Variants in RYR2 observed in about 807,000 individuals in gnomAD.
The protein encoded by RYR2 is ryanodine receptor 2.
In RYR2, 227 loss-of-function variants were observed where a neutral mutation model predicts 601.1. That is an observed-to-expected ratio of 0.38 (90% CI 0.34 to 0.42). RYR2 has a LOEUF of 0.42. RYR2 is among the 10% of genes least tolerant of loss of function. RYR2 has a pLI of 1.00. For missense variants in RYR2, 4,646 were observed against 6,156.5 expected, an observed-to-expected ratio of 0.75 and a Z score of 8.21; for synonymous variants, 2,223 against 2,175.1, an observed-to-expected ratio of 1.02 and a Z score of -0.61.
intron 80 of RYR2, among the ~76,000 whole-genome samples, chr1:237,745,350 T>C (rs1158087807): frequency 6.6e-6 from 1 of 152,186 alleles, no homozygotes; most frequent in Non-Finnish European, 1.5e-5. Flanking sequence ...TTATTTCATA[T>C]AAAATTTATG....
At chr1:237,569,434 C>A in intron 29 of RYR2, 115 bp downstream of exon 29, 1 of 943,950 alleles carries the variant, frequency 1.1e-6, no homozygotes, top group Non-Finnish European at 1.6e-6. Context: ...TGAGTTGCAG[C>A]TGTAAATCGT....
rs546250449 is a variant in RYR2 at position 237,246,385 on chromosome 1, C to T, written c.49-24112C>T. ...TGCTGAGATTACAGGCGTGAGCCAC[C>T]GTGCCTGGACTGTTTTCTTTCTTTT... On this transcript the variant is annotated intron_variant, in intron 1 of 104. Coordinates refer to ENST00000366574, the MANE Select transcript of RYR2 (RefSeq NM_001035.3). Among the ~76,000 whole-genome samples the T allele has an allele frequency of 1.1e-4, 17 of 152,268 alleles. No individual in the cohort carries two copies. The East Asian group carries it at 2.3e-3, about 21-fold the overall frequency.
intron 8 of RYR2, among the ~76,000 whole-genome samples, chr1:237,381,468 C>T (rs906458121): frequency 1.3e-5 from 2 of 152,214 alleles, no homozygotes; most frequent in African/African-American, 4.8e-5. Flanking sequence ...TTAGTTAAAA[C>T]TAACTTCTAA....
intron 1 of RYR2, among the ~76,000 whole-genome samples, chr1:237,261,157 T>C (rs1240938548): frequency 1.3e-5 from 2 of 152,246 alleles, no homozygotes. Context: ...TGGAACTTGA[T>C]AAATGCAACG....
chr1:237,528,083 G>T (rs567002304), intron 24 of RYR2, among the ~76,000 whole-genome samples: 1 of 152,118 alleles, frequency 6.6e-6, no homozygotes, highest in African/African-American at 2.4e-5. Flanking sequence ...TTTAATAATG[G>T]CCCCAATGCA....
intron 29 of RYR2, among the ~76,000 whole-genome samples, chr1:237,589,183 AT>A (rs1404718658): frequency 5.3e-5 from 8 of 152,300 alleles, no homozygotes; most frequent in African/African-American, 9.6e-5. Context: ...TTAAACATGT[AT>A]TTTTCCCCCA....
intron 38 of RYR2, among the ~76,000 whole-genome samples, chr1:237,623,383 C>CTTTCTTTCTTTCTTTCT (rs1559129603): frequency 1.8e-5 from 2 of 108,846 alleles, no homozygotes; most frequent in Admixed American, 9.1e-5. Flanking sequence ...TTCTTTCTTT[C>CTTTCTTTCTTTCTTTCT]TTTTTTTTTT....
chr1:237,267,371 T>C (rs1318555737), intron 1 of RYR2, among the ~76,000 whole-genome samples: 1 of 152,044 alleles, frequency 6.6e-6, no homozygotes, highest in Non-Finnish European at 1.5e-5. Flanking sequence ...ATACAAAAAA[T>C]GAGCAGGGCA....
chr1:237,423,485 G>A (rs1032401629), intron 12 of RYR2, among the ~76,000 whole-genome samples: 2 of 152,148 alleles, frequency 1.3e-5, no homozygotes, highest in African/African-American at 4.8e-5. Flanking sequence ...ATTACATAAA[G>A]GGTAATGATT....
intron 27 of RYR2, among the ~76,000 whole-genome samples, chr1:237,556,586 G>A (rs1443140958): frequency 6.6e-6 from 1 of 151,482 alleles, no homozygotes; most frequent in African/African-American, 2.4e-5. Flanking sequence ...TGGGATTACA[G>A]GCATGAGCCA....
At chr1:237,413,517 G>T (rs927561457) in intron 10 of RYR2, among the ~76,000 whole-genome samples, 1 of 152,000 alleles carries the variant, frequency 6.6e-6, no homozygotes, top group Non-Finnish European at 1.5e-5. Context: ...TATTATTCAT[G>T]CTATTTGTAT....
chr1:237,511,296 C>CAAAAAAAAAAAAAAAAAAAAAAAAAAA (rs764004466), intron 23 of RYR2, among the ~76,000 whole-genome samples: 1 of 88,236 alleles, frequency 1.1e-5, no homozygotes, highest in African/African-American at 3.9e-5. Context: ...GTGTATGGAC[C>CAAAAAAAAAAAAAAAAAAAAAAAAAAA]AAAAAAAAAA....
chr1:237,105,104 G>A (rs1270456301), intron 1 of RYR2, among the ~76,000 whole-genome samples: 3 of 152,132 alleles, frequency 2.0e-5, no homozygotes, highest in East Asian at 1.9e-4. Flanking sequence ...TCTCAGTGCC[G>A]GCAAACACGG....
At chr1:237,104,167 G>A (rs920232294) in intron 1 of RYR2, among the ~76,000 whole-genome samples, 6 of 152,152 alleles carry the variant, frequency 3.9e-5, no homozygotes, top group South Asian at 2.1e-4. Context: ...TGGAGGGAGC[G>A]GCAGTAATTC....
chr1:237,719,075 A>G (rs1454844482), intron 73 of RYR2, among the ~76,000 whole-genome samples: 1 of 152,136 alleles, frequency 6.6e-6, no homozygotes, highest in Non-Finnish European at 1.5e-5. Flanking sequence ...CCTGGGCAAC[A>G]TGGCAAAACC....
chr1:237,533,550 C>G (rs1184929149), intron 25 of RYR2, among the ~76,000 whole-genome samples: 1 of 151,968 alleles, frequency 6.6e-6, no homozygotes, highest in Non-Finnish European at 1.5e-5. Context: ...ATCAAGTTGG[C>G]TATAGTCTAA....
intron 46 of RYR2, among the ~76,000 whole-genome samples, chr1:237,640,354 G>A (rs1681345314): frequency 6.6e-6 from 1 of 152,194 alleles, no homozygotes; most frequent in Admixed American, 6.5e-5. Flanking sequence ...AGATGGGGAG[G>A]GAGATATGTT....
chr1:237,276,571 C>A (rs1690309091), intron 2 of RYR2, among the ~76,000 whole-genome samples: 1 of 152,000 alleles, frequency 6.6e-6, no homozygotes, highest in Non-Finnish European at 1.5e-5. Context: ...AAATCATCAA[C>A]ATAGACAAAC....
At chr1:237,371,727 A>G (rs982255536) in intron 6 of RYR2, among the ~76,000 whole-genome samples, 1 of 152,198 alleles carries the variant, frequency 6.6e-6, no homozygotes, top group Non-Finnish European at 1.5e-5. Context: ...ATGAAAAAGG[A>G]TGAGTTTATG....
Sources: allele counts gnomAD v4.1 joint callset (sites outside exome capture counted in the v4.1 genomes callset), GRCh38; gene constraint gnomAD v4.1.1; transcripts MANE v1.5; gene names NCBI Gene and HGNC (gene_info 2026-07-23, HGNC 2026-07-21).